INSL6: variants seen among roughly 807,000 people sequenced by gnomAD.
INSL6 encodes insulin like 6.
Under a neutral mutation model 9.4 loss-of-function variants are expected in INSL6, and 16 were observed. That is an observed-to-expected ratio of 1.70 (90% CI 1.15 to 2.59). The LOEUF (loss-of-function observed/expected upper bound fraction) is 2.59. Ranked by LOEUF, INSL6 falls within the 30% of genes most tolerant of loss-of-function variation. The probability of loss-of-function intolerance (pLI) is 0.00; values close to 1 mark genes in which losing one functional copy is unlikely to be tolerated. For synonymous variants in INSL6, 154 were observed against 96.9 expected (o/e 1.59, Z -3.46); for missense variants, 391 against 257.3 (o/e 1.52, Z -3.56).
chr9:5,080,516 T>C, the INSL6 span: 1 of 1,573,572 alleles, frequency 6.4e-7, no homozygotes, highest in East Asian at 2.2e-5. Context: ...TCTCAGTTTG[T>C]GGTTCTTTAA....
intron 3 of INSL6, chr9:5,132,909 T>C (rs1318109143): frequency 6.6e-6 from 1 of 152,240 alleles, no homozygotes; most frequent in Non-Finnish European, 1.5e-5. Flanking sequence ...TCTGGGAATA[T>C]GAGCCCTAAT....
At chr9:5,041,502 G>T in the INSL6 span, 1 of 576,476 alleles carries the variant, frequency 1.7e-6, no homozygotes, top group Non-Finnish European at 3.4e-6. Flanking sequence ...GAAGATCGGG[G>T]ACACATAGCG....
At chr9:5,080,572 C>T in the INSL6 span, 2 of 1,600,382 alleles carry the variant, frequency 1.2e-6, no homozygotes, top group Non-Finnish European at 1.7e-6. Context: ...GCTTCCTGCA[C>T]CAAAGTGGGC....
the INSL6 span, among the ~76,000 whole-genome samples, chr9:5,046,354 A>C: frequency 6.6e-6 from 1 of 152,118 alleles, no homozygotes; most frequent in East Asian, 1.9e-4. Flanking sequence ...CCCATTCTCT[A>C]GGTTGCCTTT....
intron 2 of INSL6, among the ~76,000 whole-genome samples, chr9:5,151,468 A>T (rs1824711551): frequency 6.6e-6 from 1 of 151,802 alleles, no homozygotes; most frequent in African/African-American, 2.4e-5. Context: ...TGCATGCAGC[A>T]GTAAAATGTA....
the INSL6 span, among the ~76,000 whole-genome samples, chr9:5,051,315 GAAGA>G: frequency 6.6e-6 from 1 of 152,124 alleles, no homozygotes; most frequent in Non-Finnish European, 1.5e-5. Context: ...CAGAGGAACA[GAAGA>G]AACACCTGGA....
chr9:5,172,153 A>G (rs1019251152), intron 1 of INSL6, among the ~76,000 whole-genome samples: 1 of 152,156 alleles, frequency 6.6e-6, no homozygotes, highest in Non-Finnish European at 1.5e-5. Flanking sequence ...AAACCAATAG[A>G]ATTTCTGTTC....
the INSL6 span, chr9:5,072,709 C>CA: frequency 9.6e-7 from 1 of 1,046,476 alleles, no homozygotes; most frequent in Non-Finnish European, 1.3e-6. Flanking sequence ...CTCATGTGTG[C>CA]AGCTTTTCAA....
the INSL6 span, chr9:5,080,523 T>C: frequency 7.0e-6 from 11 of 1,576,486 alleles, no homozygotes; most frequent in Non-Finnish European, 9.4e-6. Flanking sequence ...TTGTGGTTCT[T>C]TAATTATAGA....
chr9:5,047,951 A>C, the INSL6 span, among the ~76,000 whole-genome samples: 1 of 152,114 alleles, frequency 6.6e-6, no homozygotes, highest in African/African-American at 2.4e-5. Flanking sequence ...GGTACATACT[A>C]TAATATTTAA....
chr9:5,007,798 G>A, the INSL6 span, among the ~76,000 whole-genome samples: 1 of 151,600 alleles, frequency 6.6e-6, no homozygotes, highest in African/African-American at 2.4e-5. Context: ...CTGAGCCTTG[G>A]CTCACTGCAA....
At chr9:5,065,336 TTTA>T in the INSL6 span, among the ~76,000 whole-genome samples, 1 of 152,224 alleles carries the variant, frequency 6.6e-6, no homozygotes. Flanking sequence ...CAATTTATGT[TTTA>T]TTAATTTTAA....
At chr9:5,111,129 G>T in the INSL6 span, 1 of 1,103,174 alleles carries the variant, frequency 9.1e-7, no homozygotes, top group Non-Finnish European at 1.3e-6. Flanking sequence ...ACCCCAGCTG[G>T]ACGTTCAGCG....
chr9:5,015,807 C>T, the INSL6 span, among the ~76,000 whole-genome samples: 5 of 152,038 alleles, frequency 3.3e-5, no homozygotes, highest in African/African-American at 1.2e-4. Flanking sequence ...CTATGGAATT[C>T]TGGGATATGA....
the INSL6 span, chr9:5,054,437 C>A: frequency 8.5e-6 from 6 of 708,352 alleles, no homozygotes; most frequent in Middle Eastern, 7.9e-4. The surrounding 1 kb of genome is among the most constrained non-coding windows in gnomAD (Gnocchi z 4.9). Context: ...ACTTACGCCA[C>A]TTGGCCACTG....
chr9:5,156,748 A>G (rs1175069261), intron 2 of INSL6, among the ~76,000 whole-genome samples: 1 of 152,226 alleles, frequency 6.6e-6, no homozygotes, highest in African/African-American at 2.4e-5. Flanking sequence ...TCTATCCACA[A>G]TAACAGGACT....
At chr9:5,077,025 C>G in the INSL6 span, among the ~76,000 whole-genome samples, 3 of 151,838 alleles carry the variant, frequency 2.0e-5, no homozygotes, top group Non-Finnish European at 4.4e-5. Context: ...AGCTAGAACT[C>G]AAATTCTCCT....
the INSL6 span, among the ~76,000 whole-genome samples, chr9:5,116,555 G>C: frequency 6.6e-6 from 1 of 152,032 alleles, no homozygotes; most frequent in African/African-American, 2.4e-5. Context: ...AAATTAAAGA[G>C]GTTAAATAAA....
chr9:5,112,774 C>T, the INSL6 span: 8 of 594,764 alleles, frequency 1.3e-5, no homozygotes, highest in Non-Finnish European at 2.1e-5. Context: ...CGCGCGTGTT[C>T]GGAGGCCCCC....
Sources: gnomAD v4.1 joint callset for allele counts (sites outside exome capture counted in the v4.1 genomes callset) on GRCh38, gnomAD v4.1.1 for gene constraint, Gnocchi (gnomAD v3.1) non-coding constraint, MANE v1.5 for transcripts, NCBI Gene and HGNC (gene_info 2026-07-23, HGNC 2026-07-21) for gene names.